Variants in GTF2IRD1 observed in about 807,000 individuals in gnomAD.
GTF2IRD1 encodes general transcription factor II-I repeat domain-containing protein 1.
In GTF2IRD1, 26 loss-of-function variants were observed where a neutral mutation model predicts 113.2. The ratio of observed to expected loss-of-function variants is 0.23; its 90% CI spans 0.17 to 0.32. The LOEUF is 0.32. GTF2IRD1 is among the 10% of genes least tolerant of loss of function. The pLI is 1.00. For synonymous variants in GTF2IRD1, 484 were observed against 529.1 expected (o/e 0.91, Z 1.17); for missense variants, 864 against 1,280.8 (o/e 0.67, Z 4.97).
intron 8 of GTF2IRD1, among the ~76,000 whole-genome samples, chr7:74,527,429 G>A (rs1056658139): frequency 1.3e-5 from 2 of 152,232 alleles, no homozygotes; most frequent in Non-Finnish European, 1.5e-5. Context: ...AGTCGAGGCT[G>A]CAGTGAGCAA....
At chr7:74,501,465 G>C (rs1554339479) in intron 1 of GTF2IRD1, among the ~76,000 whole-genome samples, 1 of 152,142 alleles carries the variant, frequency 6.6e-6, no homozygotes, top group South Asian at 2.1e-4. Context: ...CCTCCGGAGG[G>C]GGCGGTCCTT....
chr7:74,601,289 G>A (rs1802755308), intron 26 of GTF2IRD1, 109 bp downstream of exon 26: 2 of 1,547,618 alleles, frequency 1.3e-6, no homozygotes, highest in Non-Finnish European at 1.7e-6. Flanking sequence ...GGGAGGCACT[G>A]GGCTTTGAGT....
chr7:74,531,165 G>A (rs782344085), intron 9 of GTF2IRD1, among the ~76,000 whole-genome samples: 26 of 152,054 alleles, frequency 1.7e-4, no homozygotes, highest in Non-Finnish European at 2.6e-4. Flanking sequence ...GAGGTCAAGA[G>A]TTTGAGACCA....
chr7:74,531,299 C>T (rs782311359), intron 9 of GTF2IRD1, among the ~76,000 whole-genome samples: 1 of 147,728 alleles, frequency 6.8e-6, no homozygotes, highest in Non-Finnish European at 1.5e-5. Context: ...TGAATTCGGG[C>T]GACAGAGATT....
intron 17 of GTF2IRD1, among the ~76,000 whole-genome samples, chr7:74,548,153 C>T (rs1187144717): frequency 1.3e-5 from 2 of 152,164 alleles, no homozygotes; most frequent in East Asian, 3.9e-4. Context: ...CGCGGTGGCT[C>T]ACGCCTGTAA....
chr7:74,564,330 A>G (rs1800162230), intron 22 of GTF2IRD1, among the ~76,000 whole-genome samples: 1 of 151,948 alleles, frequency 6.6e-6, no homozygotes. Flanking sequence ...CCTGGCTGAG[A>G]TTGTGCTTTT....
At chr7:74,545,886 C>T (rs1244770300) in intron 16 of GTF2IRD1, 77 bp downstream of exon 16, 18 of 1,054,670 alleles carry the variant, frequency 1.7e-5, no homozygotes, top group Middle Eastern at 2.0e-4. Flanking sequence ...GGGCTTTGGT[C>T]GCATCCCCTT....
chr7:74,590,958 G>A lies in GTF2IRD1; in HGVS notation c.2532G>A (p.Arg844=). 6.2e-7 allele frequency: 1 copy of A among 1,613,574 alleles called. No homozygotes were observed. The highest frequency in any genetic ancestry group is 8.5e-7 in the Non-Finnish European group (1 of 1,179,944). Residue 844 remains arginine (R), a synonymous_variant, in exon 24 of 27, where the codon CGG becomes CGA. Coordinates refer to ENST00000424337, the MANE Select transcript of GTF2IRD1 (RefSeq NM_005685.4). ...ACCCCAACACGTACGACATCCACCG[G>A]CTGGAGAAGATCCTGAAGGCCCGAG... is the stretch of plus-strand genomic sequence containing the variant. ...FRNPNTYDIH[R]LEKILKAREH...
At chr7:74,510,706 C>G (rs1329628632) in intron 2 of GTF2IRD1, among the ~76,000 whole-genome samples, 12 of 152,136 alleles carry the variant, frequency 7.9e-5, no homozygotes, top group Admixed American at 7.9e-4. Flanking sequence ...TGGCTGGTGT[C>G]TATGGATTGG....
At chr7:74,540,070 C>A in intron 14 of GTF2IRD1, 102 bp downstream of exon 14, 1 of 803,852 alleles carries the variant, frequency 1.2e-6, no homozygotes. Context: ...TTGGTGTCAG[C>A]CGTCTGTAGT....
chr7:74,463,481 A>G (rs1196572544), intron 1 of GTF2IRD1, among the ~76,000 whole-genome samples: 1 of 152,022 alleles, frequency 6.6e-6, no homozygotes, highest in Non-Finnish European at 1.5e-5. Flanking sequence ...GTGATCCCAC[A>G]ACCTCAGCTT....
chr7:74,481,831 G>A lies in GTF2IRD1; in HGVS notation c.-6-26244G>A, dbSNP rs543087326. On this transcript the variant is annotated intron_variant, in intron 1 of 26. Coordinates refer to ENST00000424337, the MANE Select transcript of GTF2IRD1 (RefSeq NM_005685.4). ...TTTATAGAATTATAAGTCCTGGAGC[G>A]AAGGGTGGGAACAGAGTTAAAATTG... Among the ~76,000 whole-genome samples the A allele has an allele frequency of 2.6e-5, 4 of 152,362 alleles. No individual in the cohort carries two copies. In the East Asian group the frequency reaches 5.8e-4, roughly 22 times the overall value.
intron 25 of GTF2IRD1, among the ~76,000 whole-genome samples, chr7:74,599,734 G>A (rs1232427145): frequency 6.6e-6 from 1 of 152,066 alleles, no homozygotes; most frequent in Non-Finnish European, 1.5e-5. Flanking sequence ...TGTTGCCCAG[G>A]CTGGTCTCGA....
chr7:74,519,490 C>T lies in GTF2IRD1; in HGVS notation c.687C>T (p.Asp229=), dbSNP rs1554345387. ...CCCTGATTCCCAAGGGGTCACGGGA[C>T]TGTGGCCTGCATGGCCAGGCCCCCA... ...GVSLIPKGSR[D]CGLHGQAPKV... Residue 229 remains aspartate, a synonymous_variant, in exon 6 of 27, where the codon GAC becomes GAT. Coordinates refer to ENST00000424337, the MANE Select transcript of GTF2IRD1 (RefSeq NM_005685.4). The T allele has an allele frequency of 1.7e-5, 28 of 1,609,194 alleles. No homozygotes were observed. The highest frequency in any genetic ancestry group is 2.4e-5 in the Non-Finnish European group (28 of 1,177,830).
At chr7:74,562,113 C>G (rs191911310) in intron 22 of GTF2IRD1, among the ~76,000 whole-genome samples, 2 of 152,362 alleles carry the variant, frequency 1.3e-5, no homozygotes, top group Admixed American at 1.3e-4. Context: ...TCACTGAGTG[C>G]TACTTCTGCA....
chr7:74,559,092 G>C, intron 21 of GTF2IRD1, 48 bp downstream of exon 21: 2 of 1,520,356 alleles, frequency 1.3e-6, no homozygotes, highest in Non-Finnish European at 1.8e-6. Flanking sequence ...TAGCTCAGAT[G>C]GGAGCTTGCA....
chr7:74,583,363 T>TTTCTTTTC (rs1801529121), intron 22 of GTF2IRD1, among the ~76,000 whole-genome samples: 1 of 148,422 alleles, frequency 6.7e-6, no homozygotes, highest in Admixed American at 6.8e-5. Flanking sequence ...TAATTTTTCT[T>TTTCTTTTC]TTTTTTTCTT....
intron 1 of GTF2IRD1, among the ~76,000 whole-genome samples, chr7:74,497,060 G>T (rs551182887): frequency 6.6e-6 from 1 of 152,210 alleles, no homozygotes; most frequent in East Asian, 1.9e-4. Flanking sequence ...TGCTTGGAAG[G>T]CTGAGGTGGG....
At chr7:74,570,356 CTG>C (rs1365304544) in intron 22 of GTF2IRD1, among the ~76,000 whole-genome samples, 3 of 143,126 alleles carry the variant, frequency 2.1e-5, no homozygotes, top group Non-Finnish European at 4.6e-5. Flanking sequence ...GAGCAAGACT[CTG>C]TCTCAAAAAA....
Sources: gnomAD v4.1 joint callset for allele counts (sites outside exome capture counted in the v4.1 genomes callset) on GRCh38, gnomAD v4.1.1 for gene constraint, MANE v1.5 for transcripts, NCBI Gene and HGNC (gene_info 2026-07-23, HGNC 2026-07-21) for gene names.